The following NFAM1 variants were observed in gnomAD, a reference collection of about 807,000 sequenced individuals.
NFAM1 encodes NFAT activation molecule 1.
Under a neutral mutation model 29.0 loss-of-function variants are expected in NFAM1, and 17 were observed. The ratio of observed to expected loss-of-function variants is 0.59; its 90% CI spans 0.40 to 0.88. The LOEUF is 0.88. Ranked by LOEUF, NFAM1 falls within the 40% of genes least tolerant of loss-of-function variation. The pLI is 0.00. For missense variants in NFAM1, 324 were observed against 344.6 expected (o/e 0.94, Z 0.47); for synonymous variants, 175 against 147.2 (o/e 1.19, Z -1.36).
intron 1 of NFAM1, among the ~76,000 whole-genome samples, chr22:42,425,588 C>T (rs1930597408): frequency 6.6e-6 from 1 of 152,176 alleles, no homozygotes; most frequent in Non-Finnish European, 1.5e-5. Context: ...CTGCCCGCCA[C>T]AGGATGCTTT....
At chr22:42,436,807 C>G (rs1930950982), upstream of NFAM1, 1 of 180,756 alleles carries the variant, frequency 5.5e-6, no homozygotes, top group Non-Finnish European at 1.1e-5. Context: ...CAAGGCCACA[C>G]AGCGAAGACG....
At chr22:42,431,584 C>T (rs538882401) in intron 1 of NFAM1, among the ~76,000 whole-genome samples, 7 of 152,282 alleles carry the variant, frequency 4.6e-5, no homozygotes, top group South Asian at 4.1e-4. Flanking sequence ...CACAGCTTGG[C>T]TCGGATCCCG....
At chr22:42,434,570 C>G (rs62239664), upstream of NFAM1, among the ~76,000 whole-genome samples, 2 of 152,152 alleles carry the variant, frequency 1.3e-5, no homozygotes, top group South Asian at 2.1e-4. Flanking sequence ...GTCGGGGCCT[C>G]GTGTCTGGCC....
chr22:42,433,578 T>C (rs1930871482), upstream of NFAM1, among the ~76,000 whole-genome samples: 1 of 152,176 alleles, frequency 6.6e-6, no homozygotes, highest in South Asian at 2.1e-4. Flanking sequence ...TTTCAGTTCT[T>C]TGCACACATG....
intron 1 of NFAM1, among the ~76,000 whole-genome samples, chr22:42,420,723 G>A (rs1441912711): frequency 2.8e-5 from 4 of 145,368 alleles, no homozygotes. Flanking sequence ...CCGAGATCAC[G>A]CACGCCACTG....
chr22:42,421,931 G>T (rs1260506551), intron 1 of NFAM1, among the ~76,000 whole-genome samples: 1 of 152,240 alleles, frequency 6.6e-6, no homozygotes, highest in Admixed American at 6.5e-5. Flanking sequence ...TGCCACAGAT[G>T]AGCAAGCGGG....
chr22:42,399,023 G>A (rs1929631241), intron 3 of NFAM1, among the ~76,000 whole-genome samples: 1 of 152,212 alleles, frequency 6.6e-6, no homozygotes. Flanking sequence ...GCCCCACTGG[G>A]CAGAAGCGAT....
Position 42,409,396 on chromosome 22 carries a change from G to T in NFAM1, c.564+39C>A. 8.7e-7 allele frequency: 1 copy of T among 1,155,942 alleles called. No homozygotes were observed. 71.6% of individuals were successfully genotyped at this position (1,155,942 alleles called of 1,614,324 possible). On this transcript the variant is annotated intron_variant, in intron 3 of 5. Transcript: ENST00000329021. This position sits in a 1 kb window ranked among gnomAD's most constrained non-coding sequence, Gnocchi z 4.9. ...CAGGCGGGCAGCCGGTGGCGTGTCG[G>T]GTGGAGGGGCTGCATGGCTGTGAGC...
intron 1 of NFAM1, among the ~76,000 whole-genome samples, chr22:42,424,671 G>A (rs1219646871): frequency 6.6e-6 from 1 of 152,032 alleles, no homozygotes; most frequent in Non-Finnish European, 1.5e-5. Context: ...GAAAGTTCTC[G>A]GGTAAAGCTT....
At chr22:42,394,323 C>A (rs922492378) in intron 4 of NFAM1, among the ~76,000 whole-genome samples, 12 of 152,140 alleles carry the variant, frequency 7.9e-5, no homozygotes, top group African/African-American at 2.7e-4. Flanking sequence ...CAGGGGTAAG[C>A]CACTGCGCTC....
intron 1 of NFAM1, among the ~76,000 whole-genome samples, chr22:42,430,042 C>A (rs1930744744): frequency 6.6e-6 from 1 of 151,770 alleles, no homozygotes; most frequent in South Asian, 2.1e-4. Flanking sequence ...GCGGGTGGAT[C>A]ACCTGAGGTC....
chr22:42,412,338 C>T (rs1199633790), intron 1 of NFAM1, among the ~76,000 whole-genome samples: 1 of 152,190 alleles, frequency 6.6e-6, no homozygotes, highest in African/African-American at 2.4e-5. Flanking sequence ...TTGTGCCAAG[C>T]ATATTACGCA....
intron 1 of NFAM1, among the ~76,000 whole-genome samples, chr22:42,420,025 T>TGAGGCAGAA (rs1930393529): frequency 9.9e-6 from 1 of 101,000 alleles, no homozygotes; most frequent in Admixed American, 1.3e-4. Flanking sequence ...TTTTTTTTTT[T>TGAGGCAGAA]TCTGAGGCAG....
At position 42,385,015 on chromosome 22, in the gene NFAM1, C is replaced by T; in HGVS notation, c.*146G>A. 1 of 722,592 alleles carries T rather than the reference C, an allele frequency of 1.4e-6. No individual in the cohort carries two copies. Among genetic ancestry groups the T allele is most frequent in the Non-Finnish European group, 2.5e-6 (1 of 399,632 alleles). 44.8% of individuals were successfully genotyped at this position (722,592 alleles called of 1,614,324 possible). ...TAGAATGGGGGGGCAGTGGGGCCGG[C>T]CAAGACAGGAAGGGCCTTGAATGTG... On this transcript the variant is annotated 3_prime_UTR_variant, in exon 6 of 6. Coordinates refer to ENST00000329021, the MANE Select transcript of NFAM1 (RefSeq NM_145912.8).
rs869262500 is a variant in NFAM1, at chr22:42,419,990, G to GTTTTTTTTTTTTTTTTT, written c.122-8271_122-8255dup. Among the ~76,000 whole-genome samples the GTTTTTTTTTTTTTTTTT allele has an allele frequency of 1.3e-4, 4 of 30,552 alleles. 2 individuals carry two copies. Among genetic ancestry groups the GTTTTTTTTTTTTTTTTT allele is most frequent in the Admixed American group, 1.1e-3 (2 of 1,856 alleles). The allele number at this position is 30,552 out of a possible 152,430, so 20.0% of individuals were successfully genotyped here. On this transcript the variant is annotated intron_variant, in intron 1 of 5. Transcript: ENST00000329021. The surrounding 1 kb of genome is among the most constrained non-coding windows in gnomAD (Gnocchi z 4.5). ...CTTTGAGTCTGTAATCCCACTCTTGGTTTTTTTTTTTTTTTTTTTTTTTTT... is the reference window on the plus strand; with the variant it reads ...CTTTGAGTCTGTAATCCCACTCTTGGTTTTTTTTTTTTTTTTTTTTTTTTTTTTTTTTTTTTTTTTTT...
At chr22:42,400,864 A>AC (rs1929702373) in intron 3 of NFAM1, among the ~76,000 whole-genome samples, 2 of 152,184 alleles carry the variant, frequency 1.3e-5, no homozygotes, top group Non-Finnish European at 2.9e-5. Flanking sequence ...CGACCTGGAC[A>AC]CCACCAGGGC....
At chr22:42,408,599 G>A (rs977222620) in intron 3 of NFAM1, among the ~76,000 whole-genome samples, 11 of 152,268 alleles carry the variant, frequency 7.2e-5, no homozygotes, top group Non-Finnish European at 2.9e-5. Flanking sequence ...CACTCAGCAT[G>A]CTGTCTGAGC....
At chr22:42,396,055 G>A (rs529408465) in intron 4 of NFAM1, among the ~76,000 whole-genome samples, 61 of 152,080 alleles carry the variant, frequency 4.0e-4, no homozygotes, top group Non-Finnish European at 6.9e-4. Flanking sequence ...TACCATCATC[G>A]TTGTGACTGT....
chr22:42,426,980 C>A (rs1289938558), intron 1 of NFAM1, among the ~76,000 whole-genome samples: 2 of 151,988 alleles, frequency 1.3e-5, no homozygotes, highest in Non-Finnish European at 2.9e-5. Flanking sequence ...AGCACCCAGG[C>A]GGGGGGGCTC....
Sources: gnomAD v4.1 joint callset for allele counts (sites outside exome capture counted in the v4.1 genomes callset) on GRCh38, gnomAD v4.1.1 for gene constraint, Gnocchi (gnomAD v3.1) non-coding constraint, MANE v1.5 for transcripts, NCBI Gene and HGNC (gene_info 2026-07-23, HGNC 2026-07-21) for gene names.